The following VWA3A variants were observed in gnomAD, a reference collection of about 807,000 sequenced individuals.
VWA3A encodes the protein von Willebrand factor A domain-containing protein 3A.
Under a neutral mutation model 160.4 loss-of-function variants are expected in VWA3A, and 134 were observed. That is an observed-to-expected ratio of 0.84 (90% confidence interval 0.73 to 0.96). VWA3A has a LOEUF of 0.96. Ranked by LOEUF, VWA3A falls within the 40% of genes least tolerant of loss-of-function variation. The pLI, the probability that VWA3A is intolerant of heterozygous loss-of-function variation, is 0.00. For missense variants in VWA3A, 1,310 were observed against 1,447.9 expected, an observed-to-expected ratio of 0.90 and a Z score of 1.55; for synonymous variants, 476 against 543.4, an observed-to-expected ratio of 0.88 and a Z score of 1.72.
In VWA3A at chr16:22,133,974, T is replaced by A. The variant is rs367569267; in HGVS notation, c.2069-394T>A. Reference sequence around the variant, plus strand: ...TTGTACATGGTACAAAAAGCAACATTTTTTTTAGAGACGGGGTCTCCCTCT... The same window carrying A: ...TTGTACATGGTACAAAAAGCAACATATTTTTTAGAGACGGGGTCTCCCTCT... On this transcript the variant is annotated intron_variant, in intron 20 of 33. Coordinates refer to ENST00000389398, the MANE Select transcript of VWA3A (RefSeq NM_173615.5). Among the ~76,000 whole-genome samples, 14 of 152,056 alleles carry A rather than the reference T, an allele frequency of 9.2e-5. No individual in the cohort carries two copies. In the South Asian group the frequency reaches 2.9e-3, roughly 32 times the overall value.
At chr16:22,101,671 A>G (rs2045409747) in intron 5 of VWA3A, among the ~76,000 whole-genome samples, 1 of 152,216 alleles carries the variant, frequency 6.6e-6, no homozygotes, top group African/African-American at 2.4e-5. Context: ...CCAAAAGTCA[A>G]TTGCTGAATG....
intron 9 of VWA3A, chr16:22,116,411 CAAAGGAA>C: frequency 3.7e-6 from 1 of 271,508 alleles, no homozygotes; most frequent in South Asian, 3.5e-5. Context: ...GAGAGAAAAA[CAAAGGAA>C]AAAGGAAAGA....
In VWA3A at chr16:22,123,504, G is replaced by T. The variant is rs760121130; in HGVS notation, c.1438-109G>T. On this transcript the variant is annotated intron_variant, in intron 15 of 33. Transcript: ENST00000389398. The stretch of plus-strand genomic sequence containing the variant: ...TGATTATACTGCCTGGATTCCCAGG[G>T]ACTTGACACACCATTCCCTGAAGCC... The T allele has an allele frequency of 3.7e-5, 59 of 1,601,712 alleles. 1 individual carries two copies. The East Asian group carries it at 1.2e-3, about 32-fold the overall frequency.
rs547813210 is a variant in VWA3A, at chr16:22,118,981, T to C, written c.1070T>C (p.Leu357Pro). Residue 357 changes from leucine (L) to proline (P), a missense_variant, in exon 12 of 34, where the codon CTG (leucine) becomes CCG (proline). Leu to Pro is a moderately conservative substitution (Grantham distance 98). Coordinates refer to ENST00000389398, the MANE Select transcript of VWA3A (RefSeq NM_173615.5). ...AGCCTCCTCAGCCACGTGCAAGCCC[T>C]GCAGCACAGCAGCCCCTGTGAGGCG... is the stretch of plus-strand genomic sequence containing the variant. Reference protein sequence around the residue: ...AQSLLSHVQALQHSSPCEALT... With the variant: ...AQSLLSHVQAPQHSSPCEALT... The C allele has an allele frequency of 4.3e-6, 7 of 1,613,854 alleles. No homozygotes were observed. In the African/African-American group the frequency reaches 9.3e-5, roughly 22 times the overall value.
intron 17 of VWA3A, among the ~76,000 whole-genome samples, chr16:22,128,972 G>A (rs1031066162): frequency 2.0e-5 from 3 of 152,064 alleles, no homozygotes; most frequent in Non-Finnish European, 4.4e-5. Context: ...AATAACTGAT[G>A]GGTACTAGGC....
rs2045655197 is a variant in VWA3A at position 22,116,743 on chromosome 16, T to A, written c.816-16T>A. 4 of 1,606,738 alleles carry A rather than the reference T, an allele frequency of 2.5e-6. No homozygotes were observed. The South Asian group carries it at 4.4e-5, about 18-fold the overall frequency. On this transcript the variant is annotated splice_polypyrimidine_tract_variant and intron_variant, in intron 9 of 33. Transcript: ENST00000389398. ...TCTGACCTGGGATTTCCACTTCTCT[T>A]CTGCCTTCTCCACAGCCCAGATCAG...
intron 15 of VWA3A, among the ~76,000 whole-genome samples, 151 bp downstream of exon 15, chr16:22,123,316 T>C (rs934401553): frequency 6.6e-6 from 1 of 151,770 alleles, no homozygotes; most frequent in African/African-American, 2.4e-5. Context: ...CCTGAAGCTT[T>C]GGCCATCTCC....
In VWA3A at chr16:22,131,346, G is replaced by A. The variant is rs1231855271; in HGVS notation, c.1727+67G>A. Reference sequence around the variant, plus strand: ...AAGGTTTGCAGGCATTGTTTTCTCTGTCCCCCTCTCCACCAAGAAGTAGCT... The same window carrying A: ...AAGGTTTGCAGGCATTGTTTTCTCTATCCCCCTCTCCACCAAGAAGTAGCT... On this transcript the variant is annotated intron_variant, in intron 18 of 33. Transcript: ENST00000389398. 85 of 1,563,530 alleles carry A rather than the reference G, an allele frequency of 5.4e-5. 1 individual carries two copies. Among genetic ancestry groups the A allele is most frequent in the Non-Finnish European group, 6.4e-5 (73 of 1,144,792 alleles).
chr16:22,094,979 A>G (rs1367080953), intron 1 of VWA3A, among the ~76,000 whole-genome samples: 1 of 151,958 alleles, frequency 6.6e-6, no homozygotes, highest in East Asian at 1.9e-4. Context: ...AAAAAAAAAA[A>G]AAAAAACCAA....
At chr16:22,094,976 A>G (rs2045293185) in intron 1 of VWA3A, among the ~76,000 whole-genome samples, 1 of 151,990 alleles carries the variant, frequency 6.6e-6, no homozygotes, top group Non-Finnish European at 1.5e-5. Flanking sequence ...TCAAAAAAAA[A>G]AAAAAAAAAC....
chr16:22,115,597 C>T (rs1173686249), intron 9 of VWA3A, 125 bp downstream of exon 9: 29 of 1,112,802 alleles, frequency 2.6e-5, no homozygotes, highest in South Asian at 8.8e-5. Context: ...TTTGGGAGGC[C>T]GAGACAGGAG....
At chr16:22,123,820 G>A in intron 16 of VWA3A, 113 bp downstream of exon 16, 1 of 1,011,890 alleles carries the variant, frequency 9.9e-7, no homozygotes, top group Non-Finnish European at 1.5e-6. Context: ...TTAGATTAGG[G>A]ATTAGGAATC....
chr16:22,128,904 G>A (rs1012460594), intron 17 of VWA3A, among the ~76,000 whole-genome samples: 1 of 152,060 alleles, frequency 6.6e-6, no homozygotes. Flanking sequence ...ACATAAAGGG[G>A]AACAACACAC....
intron 25 of VWA3A, 151 bp from the exon 26 acceptor site, chr16:22,144,096 C>T: frequency 1.0e-6 from 1 of 984,210 alleles, no homozygotes; most frequent in African/African-American, 1.7e-5. Flanking sequence ...GGGAAGGAAT[C>T]TGCATGGGAT....
intron 8 of VWA3A, among the ~76,000 whole-genome samples, chr16:22,111,855 G>A (rs938625757): frequency 3.3e-5 from 5 of 152,260 alleles, no homozygotes; most frequent in South Asian, 2.1e-4. Context: ...GGCCTCAAGT[G>A]CTCTTCCAGT....
intron 9 of VWA3A, chr16:22,116,493 G>A: frequency 1.8e-6 from 1 of 543,180 alleles, no homozygotes; most frequent in South Asian, 1.9e-5. Flanking sequence ...AGAAAGAGAA[G>A]GAAAGAGAGA....
intron 24 of VWA3A, 103 bp downstream of exon 24, chr16:22,141,795 A>T (rs1337609640): frequency 2.1e-6 from 2 of 940,568 alleles, no homozygotes; most frequent in Non-Finnish European, 3.2e-6. Flanking sequence ...CTGTCCCAGG[A>T]CCTAGGCACT....
Position 22,148,291 on chromosome 16 carries a change from G to A in VWA3A, c.2969G>A (p.Arg990Gln), listed in dbSNP as rs201947777. 1,406 of 1,596,130 alleles carry A rather than the reference G, an allele frequency of 8.8e-4. 7 individuals carry two copies. The South Asian group carries it at 9.0e-3, about 10-fold the overall frequency. Residue 990 changes from arginine (R) to glutamine (Q), a missense_variant, in exon 28 of 34, where the codon CGG becomes CAG. Coordinates refer to ENST00000389398, the MANE Select transcript of VWA3A (RefSeq NM_173615.5). ...ELVLLIWEQLRKCCDSFNLLS... is the reference protein window; with the variant it reads ...ELVLLIWEQLQKCCDSFNLLS... ...GTTTTGCTGATTTGGGAACAGCTGC[G>A]GAAGTGCTGTGACAGGTAGGAGGCG...
Position 22,132,942 on chromosome 16 carries a change from G to A in VWA3A, c.1915G>A (p.Asp639Asn), listed in dbSNP as rs201855569. Residue 639 changes from aspartate (D) to asparagine (N), a missense_variant, in exon 20 of 34, where the codon GAC (aspartate) becomes AAC (asparagine). Physicochemically the swap from Asp to Asn is conservative, Grantham distance 23. Transcript: ENST00000389398. ...CATGGCTGAGGCCTGTGGCGGCTGC[G>A]ACCTCCAGCTGAACGTGTGTCTCTT... ...AYMAEACGGC[D>N]LQLNVCLFYV... 319 of 1,613,798 alleles carry A rather than the reference G, an allele frequency of 2.0e-4. 2 individuals are homozygous for A. The highest frequency in any genetic ancestry group is 1.1e-3 in the Admixed American group (68 of 60,012).
Sources: allele counts gnomAD v4.1 joint callset (sites outside exome capture counted in the v4.1 genomes callset), GRCh38; gene constraint gnomAD v4.1.1; transcripts MANE v1.5; gene names NCBI Gene and HGNC (gene_info 2026-07-23, HGNC 2026-07-21).